ASB7: variants seen among roughly 807,000 people sequenced by gnomAD.
The protein encoded by ASB7 is ankyrin repeat and SOCS box containing 7.
ASB7 carries 4 observed loss-of-function variants against 32.5 expected under a neutral mutation model. The observed-to-expected ratio is 0.12, with a 90% CI of 0.06 to 0.28. The LOEUF is 0.28. Ranked by LOEUF, ASB7 falls within the 10% of genes least tolerant of loss-of-function variation. The pLI, the probability that ASB7 is intolerant of heterozygous loss-of-function variation, is 1.00. For missense variants in ASB7, 181 were observed against 407.1 expected (o/e 0.44, Z 4.78); for synonymous variants, 172 against 155.6 (o/e 1.11, Z -0.78).
In ASB7 at chr15:100,650,427, C is replaced by T. The variant is rs1426564244; in HGVS notation, c.*1965C>T. The T allele has an allele frequency of 1.3e-5, 2 of 152,284 alleles. No homozygotes were observed. Among genetic ancestry groups the T allele is most frequent in the Admixed American group, 1.3e-4 (2 of 15,288 alleles). The allele number at this position is 152,284 out of a possible 1,614,324, so 9.4% of individuals were successfully genotyped here. A position where few individuals can be genotyped will look rare whatever the true frequency, so the allele number is the denominator to read the frequency against. ...ATGAATTGAGTGTGACTTCTCCCTA[C>T]AACCCCAGGCCCAGGGATAGGAGGA... On this transcript the variant is annotated 3_prime_UTR_variant, in exon 6 of 6. Coordinates refer to ENST00000332783, the MANE Select transcript of ASB7 (RefSeq NM_198243.3).
At chr15:100,640,194 G>T (rs535171545) in intron 5 of ASB7, among the ~76,000 whole-genome samples, 200 of 152,142 alleles carry the variant, frequency 1.3e-3, no homozygotes, top group Non-Finnish European at 2.5e-3. Flanking sequence ...ACCCATGCTG[G>T]AATGCAATGG....
At chr15:100,614,723 C>T (rs563735758) in intron 4 of ASB7, among the ~76,000 whole-genome samples, 1 of 132,306 alleles carries the variant, frequency 7.6e-6, no homozygotes, top group Non-Finnish European at 1.6e-5. Flanking sequence ...TGCACTAACA[C>T]TTAACAACAG....
intron 5 of ASB7, among the ~76,000 whole-genome samples, chr15:100,643,597 C>G (rs1401811781): frequency 7.0e-6 from 1 of 143,186 alleles, no homozygotes; most frequent in Non-Finnish European, 1.5e-5. Flanking sequence ...TCAAGTGATT[C>G]TCCTGCCTCA....
chr15:100,615,471 A>G (rs557582728), intron 4 of ASB7, among the ~76,000 whole-genome samples: 5 of 152,346 alleles, frequency 3.3e-5, no homozygotes, highest in African/African-American at 1.2e-4. Flanking sequence ...TATAGTATTG[A>G]TAGGTATGGA....
rs1259426672 is a variant in ASB7, at chr15:100,602,704, A to G, written c.-615A>G. On this transcript the variant is annotated 5_prime_UTR_variant, in exon 1 of 6. Transcript: ENST00000332783. The stretch of plus-strand genomic sequence containing the variant: ...CACTTCGGGCCCCGTATGACCTGGG[A>G]CCTCGCCGTCCCGAGACCTCCTGGG... The G allele has an allele frequency of 8.7e-6, 3 of 343,058 alleles. No individual in the cohort carries two copies. The highest frequency in any genetic ancestry group is 1.6e-5 in the Non-Finnish European group (3 of 191,498). The allele number at this position is 343,058 out of a possible 1,614,324, so 21.3% of individuals were successfully genotyped here. A position where few individuals can be genotyped will look rare whatever the true frequency, so the allele number is the denominator to read the frequency against.
At chr15:100,634,865 T>C (rs1231521508) in intron 5 of ASB7, among the ~76,000 whole-genome samples, 2 of 152,052 alleles carry the variant, frequency 1.3e-5, no homozygotes, top group Non-Finnish European at 2.9e-5. Flanking sequence ...GTATGGAAAT[T>C]GGGGGAAACT....
At position 100,629,716 on chromosome 15, in the gene ASB7, G is replaced by A. The variant is rs752308624; in HGVS notation, c.491G>A (p.Ser164Asn). 7.4e-6 allele frequency: 12 copies of A among 1,614,240 alleles called. No individual in the cohort carries two copies. Among genetic ancestry groups the A allele is most frequent in the Non-Finnish European group, 1.0e-5 (12 of 1,180,042 alleles). The change falls in exon 5 of 6, where the codon AGC (serine) becomes AAC (asparagine). Residue 164 changes from serine (S) to asparagine (N), a missense_variant. Coordinates refer to ENST00000332783, the MANE Select transcript of ASB7 (RefSeq NM_198243.3). This position sits in a 1 kb window ranked among gnomAD's most constrained non-coding sequence, Gnocchi z 6.8. ...LQLAIIRERSSCVKILLDHNA... is the reference protein window; with the variant it reads ...LQLAIIRERSNCVKILLDHNA... Reference sequence around the variant, plus strand: ...CTCGCCATTATCCGAGAGAGGTCAAGCTGTGTGAAAATCCTCCTGGACCAC... The same window carrying A: ...CTCGCCATTATCCGAGAGAGGTCAAACTGTGTGAAAATCCTCCTGGACCAC...
chr15:100,640,055 G>GT (rs1425920446), intron 5 of ASB7, among the ~76,000 whole-genome samples: 1 of 152,214 alleles, frequency 6.6e-6, no homozygotes, highest in Non-Finnish European at 1.5e-5. Flanking sequence ...AGTAAGATTT[G>GT]TTTAGCACAT....
In ASB7 at chr15:100,612,225, C is replaced by T. The variant is rs2039702652; in HGVS notation, c.9C>T (p.His3=). 6.2e-7 allele frequency: 1 copy of T among 1,613,218 alleles called. No homozygotes were observed. Among genetic ancestry groups the T allele is most frequent in the African/African-American group, 1.3e-5 (1 of 74,908 alleles). Residue 3 remains histidine, a synonymous_variant, in exon 4 of 6, where the codon CAC becomes CAT. Coordinates refer to ENST00000332783, the MANE Select transcript of ASB7 (RefSeq NM_198243.3). ...AAGTGGACTCAGCTAGGATGTTACA[C>T]CATCATTGTCGAAGGAACCCTGAGC... ML[H]HHCRRNPELQ... is the part of the protein sequence containing the mutation.
At chr15:100,611,994 C>G (rs970338273) in intron 3 of ASB7, among the ~76,000 whole-genome samples, 172 bp from the exon 4 acceptor site, 2 of 151,930 alleles carry the variant, frequency 1.3e-5, no homozygotes, top group African/African-American at 4.8e-5. Flanking sequence ...CCACCTCAGC[C>G]TCCTGAGTTG....
At chr15:100,636,768 ATT>A (rs2039925944) in intron 5 of ASB7, among the ~76,000 whole-genome samples, 1 of 152,162 alleles carries the variant, frequency 6.6e-6, no homozygotes. Context: ...TTATTTATTT[ATT>A]TATGTTAGAA....
chr15:100,620,656 CA>C (rs1165334617), intron 4 of ASB7, among the ~76,000 whole-genome samples: 4 of 151,952 alleles, frequency 2.6e-5, no homozygotes, highest in Admixed American at 6.6e-5. Flanking sequence ...CCTCTCAGAC[CA>C]GGTTAGTGTA....
At chr15:100,611,523 A>T (rs1367074042) in intron 3 of ASB7, among the ~76,000 whole-genome samples, 3 of 116,830 alleles carry the variant, frequency 2.6e-5, no homozygotes, top group Non-Finnish European at 5.0e-5. Flanking sequence ...TCTCTTGCCC[A>T]GGCTGGAGTG....
chr15:100,638,827 G>GC (rs2039942379), intron 5 of ASB7, among the ~76,000 whole-genome samples: 1 of 152,038 alleles, frequency 6.6e-6, no homozygotes, highest in Non-Finnish European at 1.5e-5. Context: ...TTGTCCTAAT[G>GC]CCCTCCCTCC....
In ASB7 at chr15:100,649,855, A is replaced by G. The variant is rs1016012877; in HGVS notation, c.*1393A>G. 3 of 152,378 alleles carry G rather than the reference A, an allele frequency of 2.0e-5. No individual in the cohort carries two copies. Among genetic ancestry groups the G allele is most frequent in the Non-Finnish European group, 4.4e-5 (3 of 68,042 alleles). The allele number at this position is 152,378 out of a possible 1,614,324, so 9.4% of individuals were successfully genotyped here. On this transcript the variant is annotated 3_prime_UTR_variant, in exon 6 of 6. Coordinates refer to ENST00000332783, the MANE Select transcript of ASB7 (RefSeq NM_198243.3). ...CTTAGTGCTTTGGGAAAAAATATTT[A>G]ACACACTGTTAATAAATTTGTTATC...
In ASB7 at chr15:100,636,819, AGATT is replaced by A. The variant is rs750874515; in HGVS notation, c.817+6779_817+6782del. Among the ~76,000 whole-genome samples, 163 of 152,362 alleles carry A rather than the reference AGATT, an allele frequency of 1.1e-3. 10 individuals carry two copies. Among genetic ancestry groups the A allele is most frequent in the Non-Finnish European group, 5.3e-4 (36 of 68,028 alleles). On this transcript the variant is annotated intron_variant, in intron 5 of 5. Transcript: ENST00000332783. ...TGTGGACTTTAGCCGGGGCTTCTCA[AGATT>A]GTTTTAGGTGCCTATGAAATCAAAA...
intron 4 of ASB7, among the ~76,000 whole-genome samples, chr15:100,623,490 C>G (rs2039810812): frequency 1.3e-5 from 2 of 152,168 alleles, no homozygotes; most frequent in Non-Finnish European, 2.9e-5. Flanking sequence ...AAAAATTGCT[C>G]AACATCATTA....
intron 4 of ASB7, 67 bp downstream of exon 4, chr15:100,612,494 G>A: frequency 3.5e-6 from 5 of 1,411,468 alleles, no homozygotes; most frequent in Non-Finnish European, 4.0e-6. Flanking sequence ...TTTAAAATGT[G>A]TCTATTTGTA....
At chr15:100,624,657 C>T (rs951413969) in intron 4 of ASB7, among the ~76,000 whole-genome samples, 2 of 152,166 alleles carry the variant, frequency 1.3e-5, no homozygotes, top group African/African-American at 4.8e-5. Flanking sequence ...AAACTTTTCA[C>T]TGAGAAGACT....
Sources: gnomAD v4.1 joint callset for allele counts (sites outside exome capture counted in the v4.1 genomes callset) on GRCh38, gnomAD v4.1.1 for gene constraint, Gnocchi (gnomAD v3.1) non-coding constraint, MANE v1.5 for transcripts, NCBI Gene and HGNC (gene_info 2026-07-23, HGNC 2026-07-21) for gene names.